CNTNAP2: variants seen among roughly 807,000 people sequenced by gnomAD.
CNTNAP2 encodes contactin-associated protein-like 2.
A neutral mutation model predicts 155.2 loss-of-function variants in CNTNAP2; 98 were observed. The observed-to-expected ratio is 0.63, with a 90% CI of 0.54 to 0.75. The LOEUF (loss-of-function observed/expected upper bound fraction) is 0.75, where lower values mean the gene tolerates loss of function less well. Ranked by LOEUF, CNTNAP2 falls within the 30% of genes least tolerant of loss-of-function variation. The pLI, the probability that CNTNAP2 is intolerant of heterozygous loss-of-function variation, is 0.00. For missense variants in CNTNAP2, 1,727 were observed against 1,688.1 expected, an observed-to-expected ratio of 1.02 and a Z score of -0.40; for synonymous variants, 651 against 631.2, an observed-to-expected ratio of 1.03 and a Z score of -0.47.
At position 147,976,070 on chromosome 7, in the gene CNTNAP2, G is replaced by A. The variant is rs143533186; in HGVS notation, c.2256-1792G>A. Among the ~76,000 whole-genome samples, 388 of 152,148 alleles carry A rather than the reference G, an allele frequency of 2.6e-3. 3 individuals carry two copies. Among genetic ancestry groups the A allele is most frequent in the African/African-American group, 9.2e-3 (382 of 41,502 alleles). On this transcript the variant is annotated intron_variant, in intron 14 of 23. Coordinates refer to ENST00000361727, the MANE Select transcript of CNTNAP2 (RefSeq NM_014141.6). ...TCAATAAAACTTTTTTATGAACACT[G>A]AATTTTATAGCATCACAAAATATTT... is the stretch of plus-strand genomic sequence containing the variant.
Position 147,511,159 on chromosome 7 carries a change from G to A in CNTNAP2, c.1777+25118G>A, listed in dbSNP as rs1184366956. ...GTAAGAATTAAGCTATTGTGTCGGT[G>A]CATACAGACAACTGCAGTCCTTTGC... is the stretch of plus-strand genomic sequence containing the variant. On this transcript the variant is annotated intron_variant, in intron 11 of 23. Coordinates refer to ENST00000361727, the MANE Select transcript of CNTNAP2 (RefSeq NM_014141.6). 3.9e-5 allele frequency among the ~76,000 whole-genome samples: 6 copies of A among 152,028 alleles called. No individual in the cohort carries two copies. In the East Asian group the frequency reaches 9.7e-4, roughly 25 times the overall value.
Position 146,839,466 on chromosome 7 carries a change from A to G in CNTNAP2, c.209-245A>G, listed in dbSNP as rs573225247. Among the ~76,000 whole-genome samples the G allele has an allele frequency of 1.8e-4, 28 of 152,308 alleles. No homozygotes were observed. The South Asian group carries it at 5.6e-3, about 30-fold the overall frequency. The stretch of plus-strand genomic sequence containing the variant: ...ACTAATAAGATCTAATTGAGGAATT[A>G]TGAAGACATTTGCTCAGGAGAAAAT... On this transcript the variant is annotated intron_variant, in intron 2 of 23. Coordinates refer to ENST00000361727, the MANE Select transcript of CNTNAP2 (RefSeq NM_014141.6).
chr7:148,095,737 T>A (rs1803951830), intron 15 of CNTNAP2, among the ~76,000 whole-genome samples: 1 of 152,062 alleles, frequency 6.6e-6, no homozygotes, highest in Admixed American at 6.5e-5. Flanking sequence ...ATGAAGAAAA[T>A]ACTACATTTT....
intron 9 of CNTNAP2, among the ~76,000 whole-genome samples, chr7:147,391,840 A>G (rs1034640817): frequency 6.7e-6 from 1 of 149,384 alleles, no homozygotes; most frequent in Non-Finnish European, 1.5e-5. Context: ...TTTGCTTAGA[A>G]ATGTGATTTC....
In CNTNAP2 at chr7:147,903,733, C is replaced by A. The variant is rs749270618; in HGVS notation, c.2255+12C>A. 6.2e-7 allele frequency: 1 copy of A among 1,612,672 alleles called. No individual in the cohort carries two copies. Among genetic ancestry groups the A allele is most frequent in the East Asian group, 2.2e-5 (1 of 44,730 alleles). On this transcript the variant is annotated intron_variant, in intron 14 of 23. Coordinates refer to ENST00000361727, the MANE Select transcript of CNTNAP2 (RefSeq NM_014141.6). ...GACTACAAGCAATGGTGAGTGCCTG[C>A]GGGCAGCACAGCCAGGCTCACCCTC... is the stretch of plus-strand genomic sequence containing the variant.
chr7:146,624,805 A>G (rs1799392618), intron 1 of CNTNAP2, among the ~76,000 whole-genome samples: 1 of 152,036 alleles, frequency 6.6e-6, no homozygotes, highest in Non-Finnish European at 1.5e-5. Flanking sequence ...TCTATAGGTC[A>G]GTGTAGAAAG....
chr7:146,565,343 C>CCGT (rs1798341280), intron 1 of CNTNAP2, among the ~76,000 whole-genome samples: 1 of 151,942 alleles, frequency 6.6e-6, no homozygotes, highest in Non-Finnish European at 1.5e-5. Flanking sequence ...AAGTACTCCT[C>CCGT]TTTAGGCATT....
At chr7:147,578,332 A>G (rs112198256) in intron 12 of CNTNAP2, among the ~76,000 whole-genome samples, 9 of 152,248 alleles carry the variant, frequency 5.9e-5, no homozygotes, top group African/African-American at 2.2e-4. Flanking sequence ...AACTCTTATG[A>G]AAGCATTTAG....
At chr7:146,798,220 G>A (rs143008428) in intron 2 of CNTNAP2, among the ~76,000 whole-genome samples, 1 of 152,124 alleles carries the variant, frequency 6.6e-6, no homozygotes, top group African/African-American at 2.4e-5. Context: ...AGAGGCTGCA[G>A]TGAGTGGTGA....
At chr7:147,626,942 G>A (rs987911149) in intron 12 of CNTNAP2, among the ~76,000 whole-genome samples, 1 of 152,188 alleles carries the variant, frequency 6.6e-6, no homozygotes, top group African/African-American at 2.4e-5. Context: ...CTCTACCAGA[G>A]CAGGTGCTGG....
intron 10 of CNTNAP2, among the ~76,000 whole-genome samples, chr7:147,401,746 G>C (rs1235025068): frequency 1.3e-5 from 2 of 152,082 alleles, no homozygotes; most frequent in Admixed American, 1.3e-4. Context: ...TAGTTTAAAA[G>C]TATGGCACTT....
At chr7:147,678,299 C>A (rs1795898507) in intron 13 of CNTNAP2, among the ~76,000 whole-genome samples, 1 of 151,822 alleles carries the variant, frequency 6.6e-6, no homozygotes, top group Non-Finnish European at 1.5e-5. Context: ...TTTGAAGAGG[C>A]ATCTTCTCCA....
At chr7:147,031,881 G>A (rs1678624141) in intron 3 of CNTNAP2, among the ~76,000 whole-genome samples, 1 of 152,214 alleles carries the variant, frequency 6.6e-6, no homozygotes, top group African/African-American at 2.4e-5. Context: ...CCATGCCACT[G>A]CATTCCAGCC....
At chr7:147,492,835 A>G (rs998005171) in intron 11 of CNTNAP2, among the ~76,000 whole-genome samples, 4 of 152,164 alleles carry the variant, frequency 2.6e-5, no homozygotes, top group Non-Finnish European at 4.4e-5. Context: ...ATTCAGATTT[A>G]ATCACTTTCC....
At chr7:147,229,019 G>T (rs982898350) in intron 8 of CNTNAP2, among the ~76,000 whole-genome samples, 2 of 150,714 alleles carry the variant, frequency 1.3e-5, no homozygotes, top group East Asian at 4.1e-4. Flanking sequence ...GTATTCCATG[G>T]TGTATATGTG....
At chr7:147,744,572 G>A (rs1409616676) in intron 13 of CNTNAP2, among the ~76,000 whole-genome samples, 1 of 152,134 alleles carries the variant, frequency 6.6e-6, no homozygotes, top group Non-Finnish European at 1.5e-5. Flanking sequence ...GTTTGCAAGG[G>A]TTTCCATAAT....
intron 9 of CNTNAP2, among the ~76,000 whole-genome samples, chr7:147,318,703 T>A (rs1402266494): frequency 6.6e-6 from 1 of 151,874 alleles, no homozygotes; most frequent in Non-Finnish European, 1.5e-5. Context: ...ATAGGACAAA[T>A]ACCTAAAGCA....
chr7:146,197,168 C>T (rs146562250), intron 1 of CNTNAP2, among the ~76,000 whole-genome samples: 5 of 152,000 alleles, frequency 3.3e-5, no homozygotes, highest in East Asian at 1.9e-4. Flanking sequence ...CATTTTTTTA[C>T]GTTGTAAAGG....
intron 1 of CNTNAP2, among the ~76,000 whole-genome samples, chr7:146,259,998 T>C (rs1799896751): frequency 6.6e-6 from 1 of 152,194 alleles, no homozygotes; most frequent in Admixed American, 6.5e-5. Flanking sequence ...GGCGATGCTG[T>C]TCTGTGTAAC....
Sources: gnomAD v4.1 joint callset for allele counts (sites outside exome capture counted in the v4.1 genomes callset) on GRCh38, gnomAD v4.1.1 for gene constraint, MANE v1.5 for transcripts, NCBI Gene and HGNC (gene_info 2026-07-23, HGNC 2026-07-21) for gene names.